The following RHBDD1 variants were observed in gnomAD, a reference collection of about 807,000 sequenced individuals.
RHBDD1 encodes rhomboid domain containing 1, also known as rhomboid-related protein 4.
In RHBDD1, 38 loss-of-function variants were observed where a neutral mutation model predicts 36.3. The observed-to-expected ratio is 1.05, with a 90% CI of 0.81 to 1.37. RHBDD1 has a LOEUF of 1.37. Among genes scored for constraint, RHBDD1 ranks in the 40% most tolerant of loss-of-function variants. RHBDD1 has a pLI of 0.00. For missense variants in RHBDD1, 393 were observed against 377.6 expected (o/e 1.04, Z -0.34); for synonymous variants, 151 against 136.5 (o/e 1.11, Z -0.74).
chr2:226,945,221 A>T (rs1950900998), intron 8 of RHBDD1, among the ~76,000 whole-genome samples: 1 of 151,572 alleles, frequency 6.6e-6, no homozygotes, highest in South Asian at 2.1e-4. Flanking sequence ...CAGGTTTGTT[A>T]CATAGGTATA....
intron 5 of RHBDD1, among the ~76,000 whole-genome samples, chr2:226,885,408 A>G (rs773702384): frequency 1.3e-5 from 2 of 152,132 alleles, no homozygotes; most frequent in African/African-American, 2.4e-5. Context: ...GAAAATGGAG[A>G]ACCCCCTAAA....
At chr2:226,808,557 A>G in the RHBDD1 span, 1 of 152,198 alleles carries the variant, frequency 6.6e-6, no homozygotes, top group African/African-American at 2.4e-5. Context: ...GAATGACTGA[A>G]GGCTACATCA....
intron 7 of RHBDD1, 31 bp downstream of exon 7, chr2:226,908,909 A>C: frequency 7.1e-7 from 1 of 1,400,384 alleles, no homozygotes; most frequent in Non-Finnish European, 1.0e-6. Context: ...AATAAATTTT[A>C]ACTTATTTTT....
chr2:226,864,749 T>G lies in RHBDD1; in HGVS notation c.56T>G (p.Ile19Ser). The change falls in exon 4 of 9, where the codon ATC becomes AGC. Residue 19 changes from isoleucine to serine, a missense_variant. Physicochemically the swap from Ile to Ser is moderately radical, Grantham distance 142 (BLOSUM62 -2). Coordinates refer to ENST00000392062, the MANE Select transcript of RHBDD1 (RefSeq NM_001167608.3). ...NTGLILLLSQ[I>S]FHVGINNIPP... ...GGACTTATTCTACTCCTTTCTCAAATCTTCCATGTTGGGATCAACAATATT... is the reference window on the plus strand; with the variant it reads ...GGACTTATTCTACTCCTTTCTCAAAGCTTCCATGTTGGGATCAACAATATT... The G allele has an allele frequency of 6.2e-7, 1 of 1,614,198 alleles. No homozygotes were observed. The highest frequency in any genetic ancestry group is 8.5e-7 in the Non-Finnish European group (1 of 1,180,028).
chr2:226,883,638 A>G (rs1029437796), intron 5 of RHBDD1, among the ~76,000 whole-genome samples: 2 of 152,240 alleles, frequency 1.3e-5, no homozygotes, highest in African/African-American at 4.8e-5. Context: ...CCTAATCTGT[A>G]CTTAACTAAC....
chr2:226,816,774 T>C, the RHBDD1 span, among the ~76,000 whole-genome samples: 1 of 152,132 alleles, frequency 6.6e-6, no homozygotes, highest in African/African-American at 2.4e-5. Context: ...CAGGCACCTG[T>C]AATTCCAGCT....
chr2:226,809,305 G>A, the RHBDD1 span, among the ~76,000 whole-genome samples: 2 of 152,118 alleles, frequency 1.3e-5, no homozygotes, highest in Non-Finnish European at 2.9e-5. Context: ...AAGAAGACTT[G>A]GAATTAACAT....
At chr2:226,929,406 A>G (rs1337987840) in intron 8 of RHBDD1, among the ~76,000 whole-genome samples, 1 of 152,094 alleles carries the variant, frequency 6.6e-6, no homozygotes, top group Non-Finnish European at 1.5e-5. Context: ...AAACCATATG[A>G]TCATCTCAAT....
chr2:226,983,796 A>G (rs1027109845), intron 8 of RHBDD1, among the ~76,000 whole-genome samples: 2 of 152,198 alleles, frequency 1.3e-5, no homozygotes, highest in East Asian at 3.9e-4. Context: ...CTTGGTTTGA[A>G]GGACTGGAAA....
intron 5 of RHBDD1, among the ~76,000 whole-genome samples, chr2:226,897,667 G>A (rs1477931984): frequency 6.6e-6 from 1 of 152,048 alleles, no homozygotes; most frequent in African/African-American, 2.4e-5. Context: ...GCAGTGCCAT[G>A]CTTTCTTTAA....
chr2:226,912,471 A>G (rs1346811213), intron 7 of RHBDD1, among the ~76,000 whole-genome samples: 2 of 152,188 alleles, frequency 1.3e-5, no homozygotes, highest in Admixed American at 1.3e-4. Flanking sequence ...ATCAGTTGAC[A>G]CATGGATAAA....
chr2:226,829,767 T>C, the RHBDD1 span, among the ~76,000 whole-genome samples: 1 of 152,146 alleles, frequency 6.6e-6, no homozygotes, highest in Non-Finnish European at 1.5e-5. Flanking sequence ...ATGTGTGTAT[T>C]TTCCTTAAGA....
chr2:226,898,805 C>T (rs556703664), intron 5 of RHBDD1, among the ~76,000 whole-genome samples: 11 of 152,312 alleles, frequency 7.2e-5, no homozygotes, highest in African/African-American at 2.4e-4. Flanking sequence ...ATCAGTGCAG[C>T]CCCTACCTGC....
chr2:226,987,465 G>A (rs962000811), intron 8 of RHBDD1, among the ~76,000 whole-genome samples: 2 of 152,248 alleles, frequency 1.3e-5, no homozygotes, highest in Non-Finnish European at 2.9e-5. Flanking sequence ...CAGCTAGCTG[G>A]TAGGACAGGC....
At chr2:226,850,302 A>G in intron 3 of RHBDD1, among the ~76,000 whole-genome samples, 1 of 152,188 alleles carries the variant, frequency 6.6e-6, no homozygotes, top group Non-Finnish European at 1.5e-5. Flanking sequence ...CTGATTGGGA[A>G]ACCAGTCGTA....
chr2:226,913,470 T>G (rs1261071932), intron 7 of RHBDD1, among the ~76,000 whole-genome samples: 1 of 152,182 alleles, frequency 6.6e-6, no homozygotes, highest in Non-Finnish European at 1.5e-5. Flanking sequence ...ATGTAAGGAA[T>G]AAACTCAAAC....
intron 8 of RHBDD1, among the ~76,000 whole-genome samples, chr2:226,974,884 G>A (rs963847650): frequency 6.6e-6 from 1 of 152,148 alleles, no homozygotes; most frequent in African/African-American, 2.4e-5. Context: ...GGACATCCTG[G>A]AGATCTTGGT....
At chr2:226,904,391 A>ACCACTGTG (rs1223654939) in intron 5 of RHBDD1, among the ~76,000 whole-genome samples, 2 of 119,960 alleles carry the variant, frequency 1.7e-5, no homozygotes, top group Non-Finnish European at 3.3e-5. Context: ...GACAAGTTAC[A>ACCACTGTG]CCACTGTGGC....
At chr2:226,897,606 G>T (rs182447140) in intron 5 of RHBDD1, among the ~76,000 whole-genome samples, 23 of 152,282 alleles carry the variant, frequency 1.5e-4, no homozygotes, top group Non-Finnish European at 7.4e-5. Context: ...AAGGTGAAGG[G>T]GAACCAGTTT....
Sources: allele counts gnomAD v4.1 joint callset (sites outside exome capture counted in the v4.1 genomes callset), GRCh38; gene constraint gnomAD v4.1.1; transcripts MANE v1.5; gene names NCBI Gene and HGNC (gene_info 2026-07-23, HGNC 2026-07-21).